The following BICC1 variants were observed in gnomAD, a reference collection of about 807,000 sequenced individuals.
BICC1 encodes the protein BicC family RNA binding protein 1, also known as protein bicaudal C homolog 1.
Under a neutral mutation model 111.0 loss-of-function variants are expected in BICC1, and 43 were observed. That is an observed-to-expected ratio of 0.39 (90% confidence interval 0.30 to 0.50). BICC1 has a LOEUF of 0.50. Ranked by LOEUF, BICC1 falls within the 20% of genes least tolerant of loss-of-function variation. The pLI, the probability that BICC1 is intolerant of heterozygous loss-of-function variation, is 0.88. For missense variants in BICC1, 1,091 were observed against 1,203.2 expected (o/e 0.91, Z 1.38); for synonymous variants, 467 against 434.4 (o/e 1.07, Z -0.93).
intron 2 of BICC1, among the ~76,000 whole-genome samples, chr10:58,669,368 A>C (rs1442923948): frequency 6.6e-6 from 1 of 152,074 alleles, no homozygotes; most frequent in East Asian, 1.9e-4. Flanking sequence ...GAATGATGAG[A>C]GTCTATTTGG....
intron 1 of BICC1, among the ~76,000 whole-genome samples, chr10:58,527,748 G>T (rs1842582969): frequency 6.6e-6 from 1 of 151,854 alleles, no homozygotes; most frequent in Non-Finnish European, 1.5e-5. Flanking sequence ...TAGACCAATG[G>T]AACAGAACAG....
chr10:58,678,672 TG>T (rs1839421570), intron 2 of BICC1, among the ~76,000 whole-genome samples: 1 of 152,216 alleles, frequency 6.6e-6, no homozygotes, highest in African/African-American at 2.4e-5. Context: ...AACTCAGCTC[TG>T]GACCAAGGAG....
intron 3 of BICC1, among the ~76,000 whole-genome samples, chr10:58,737,696 C>G (rs1841517790): frequency 6.6e-6 from 1 of 152,186 alleles, no homozygotes; most frequent in South Asian, 2.1e-4. Context: ...AATGGTCGAA[C>G]TAGTTTACAG....
At chr10:58,595,372 AC>A (rs1437316997) in intron 1 of BICC1, among the ~76,000 whole-genome samples, 1 of 152,218 alleles carries the variant, frequency 6.6e-6, no homozygotes, top group Admixed American at 6.5e-5. Flanking sequence ...GACCTAATAG[AC>A]ATCTACAGAA....
At chr10:58,736,923 A>T (rs892829033) in intron 3 of BICC1, among the ~76,000 whole-genome samples, 6 of 152,024 alleles carry the variant, frequency 3.9e-5, no homozygotes, top group African/African-American at 1.4e-4. Flanking sequence ...AAATAGAACT[A>T]ATTTTATTTT....
chr10:58,799,134 C>A lies in BICC1; in HGVS notation c.1607C>A (p.Pro536His). 1 of 1,613,824 alleles carries A rather than the reference C, an allele frequency of 6.2e-7. No individual in the cohort carries two copies. Among genetic ancestry groups the A allele is most frequent in the Non-Finnish European group, 8.5e-7 (1 of 1,179,832 alleles). ...ACTAATATTTTGTTGTCTGGAGTGC[C>A]CACCTATGGGCACACAGCTCCATCT... ...TLTNILLSGVPTYGHTAPSPP... is the reference protein window; with the variant it reads ...TLTNILLSGVHTYGHTAPSPP... The change falls in exon 12 of 21, where the codon CCC becomes CAC. Residue 536 changes from proline to histidine, a missense_variant. By Grantham distance (77) the Pro-to-His change is moderately conservative. This residue lies in a region of BICC1 where 843 missense variants were observed against 900.8 expected (regional missense o/e 0.94). Transcript: ENST00000373886.
intron 3 of BICC1, among the ~76,000 whole-genome samples, chr10:58,729,410 C>G (rs1841216492): frequency 6.6e-6 from 1 of 152,200 alleles, no homozygotes; most frequent in African/African-American, 2.4e-5. Flanking sequence ...GCTTCCTTAC[C>G]TCTCTCAGCC....
Position 58,803,249 on chromosome 10 carries a change from G to A in BICC1, c.2181+7G>A, listed in dbSNP as rs1406731935. On this transcript the variant is annotated splice_region_variant and intron_variant, in intron 15 of 20. Coordinates refer to ENST00000373886, the MANE Select transcript of BICC1 (RefSeq NM_001080512.3). ...ATCATATGTCAACATGCAGGTAATG[G>A]TAATAAAATAGGAAAGCCACTCAAA... 3 of 1,575,996 alleles carry A rather than the reference G, an allele frequency of 1.9e-6. No individual in the cohort carries two copies.
Position 58,800,238 on chromosome 10 carries a change from A to C in BICC1, c.1770A>C (p.Gly590=). ...KYGAISTSSL[G]EKVLSANHGD... is the part of the protein sequence containing the mutation. ...GTGCAATATCCACTTCATCACTTGG[A>C]GAAAAAGTGCTGAGTGCAAATCACG... Residue 590 remains glycine (G), a synonymous_variant, in exon 13 of 21, where the codon GGA becomes GGC. Coordinates refer to ENST00000373886, the MANE Select transcript of BICC1 (RefSeq NM_001080512.3). 1 of 1,610,356 alleles carries C rather than the reference A, an allele frequency of 6.2e-7. No homozygotes were observed. Among genetic ancestry groups the C allele is most frequent in the Non-Finnish European group, 8.5e-7 (1 of 1,176,844 alleles).
chr10:58,646,503 T>C (rs1014675218), intron 2 of BICC1, among the ~76,000 whole-genome samples: 2 of 152,224 alleles, frequency 1.3e-5, no homozygotes, highest in Non-Finnish European at 2.9e-5. Context: ...CTGTCTGCAT[T>C]GTATTTGGAT....
At chr10:58,639,294 A>G (rs1287814508) in intron 2 of BICC1, among the ~76,000 whole-genome samples, 1 of 152,144 alleles carries the variant, frequency 6.6e-6, no homozygotes, top group African/African-American at 2.4e-5. Flanking sequence ...TTTCAATGTG[A>G]GATTTATGTA....
chr10:58,548,955 G>A (rs1843213337), intron 1 of BICC1, among the ~76,000 whole-genome samples: 1 of 151,986 alleles, frequency 6.6e-6, no homozygotes, highest in African/African-American at 2.4e-5. Flanking sequence ...AACTTCCTGG[G>A]CTCAGGTGAT....
At chr10:58,576,961 A>G (rs1236598884) in intron 1 of BICC1, among the ~76,000 whole-genome samples, 2 of 152,220 alleles carry the variant, frequency 1.3e-5, no homozygotes, top group African/African-American at 2.4e-5. Context: ...GGGGAGGAAC[A>G]GAGCAATAGC....
chr10:58,830,270 A>G lies in BICC1; in HGVS notation c.*1379A>G, dbSNP rs985385132. The G allele has an allele frequency of 6.6e-6, 1 of 152,166 alleles. No homozygotes were observed. Among genetic ancestry groups the G allele is most frequent in the Admixed American group, 6.6e-5 (1 of 15,264 alleles). The allele number at this position is 152,166 out of a possible 1,614,324, so 9.4% of individuals were successfully genotyped here. On this transcript the variant is annotated 3_prime_UTR_variant, in exon 21 of 21. Transcript: ENST00000373886. The stretch of plus-strand genomic sequence containing the variant: ...TTTTCAGAGATCTTATAGATTTATG[A>G]AGTGTTTTTAATCCATGAAGAAACA...
chr10:58,518,654 T>G (rs1290232326), intron 1 of BICC1, among the ~76,000 whole-genome samples: 4 of 151,810 alleles, frequency 2.6e-5, no homozygotes, highest in African/African-American at 9.7e-5. Flanking sequence ...TAGAAAAGTT[T>G]GTTATGACAA....
chr10:58,747,932 C>T (rs144564380), intron 3 of BICC1, among the ~76,000 whole-genome samples: 263 of 152,180 alleles, frequency 1.7e-3, no homozygotes, highest in Admixed American at 7.1e-3. Flanking sequence ...TTTCGTGTTA[C>T]GGAGGCAGAG....
At chr10:58,553,025 T>C (rs1843339672) in intron 1 of BICC1, among the ~76,000 whole-genome samples, 1 of 152,156 alleles carries the variant, frequency 6.6e-6, no homozygotes, top group Non-Finnish European at 1.5e-5. Flanking sequence ...TCCTACTGAA[T>C]TGTAGTTTTG....
chr10:58,700,689 A>G (rs1177700209), intron 2 of BICC1, among the ~76,000 whole-genome samples: 1 of 152,158 alleles, frequency 6.6e-6, no homozygotes, highest in Non-Finnish European at 1.5e-5. Flanking sequence ...AGTGAGCAGT[A>G]CAATGCCATG....
intron 1 of BICC1, among the ~76,000 whole-genome samples, chr10:58,558,863 A>G (rs1843529281): frequency 6.6e-6 from 1 of 152,042 alleles, no homozygotes; most frequent in Non-Finnish European, 1.5e-5. Flanking sequence ...AGGGCAAGGC[A>G]TTTACCTGGG....
Sources: gnomAD v4.1 joint callset for allele counts (sites outside exome capture counted in the v4.1 genomes callset) on GRCh38, gnomAD v4.1.1 for gene constraint, gnomAD v4.1.1 regional missense constraint, MANE v1.5 for transcripts, NCBI Gene and HGNC (gene_info 2026-07-23, HGNC 2026-07-21) for gene names.